The following CAMK4 variants were observed in gnomAD, a reference collection of about 807,000 sequenced individuals.
CAMK4 encodes calcium/calmodulin dependent protein kinase IV, also known as calcium/calmodulin-dependent protein kinase type IV.
A neutral mutation model predicts 44.9 loss-of-function variants in CAMK4; 22 were observed. The observed-to-expected ratio is 0.49, with a 90% CI of 0.35 to 0.70. The LOEUF is 0.70. CAMK4 is among the 30% of genes least tolerant of loss of function. The probability of loss-of-function intolerance (pLI) is 0.01; values close to 1 mark genes in which losing one functional copy is unlikely to be tolerated. For missense variants in CAMK4, 498 were observed against 586.8 expected (o/e 0.85, Z 1.56); for synonymous variants, 218 against 215.4 (o/e 1.01, Z -0.11).
At position 111,428,210 on chromosome 5, in the gene CAMK4, G is replaced by A. The variant is rs1481353853; in HGVS notation, c.460-18476G>A. Among the ~76,000 whole-genome samples the A allele has an allele frequency of 4.6e-5, 7 of 152,250 alleles. No homozygotes were observed. In the East Asian group the frequency reaches 1.3e-3, roughly 29 times the overall value. ...TGCCCCCTGAAGTAGATACAGCTTAGATCACTACACCACGTCCTTTCAAAT... is the reference window on the plus strand; with the variant it reads ...TGCCCCCTGAAGTAGATACAGCTTAAATCACTACACCACGTCCTTTCAAAT... On this transcript the variant is annotated intron_variant, in intron 5 of 10. Transcript: ENST00000282356.
intron 5 of CAMK4, among the ~76,000 whole-genome samples, chr5:111,422,577 T>A (rs1324208501): frequency 1.3e-5 from 2 of 152,176 alleles, no homozygotes; most frequent in African/African-American, 4.8e-5. Flanking sequence ...CTTGTGGGAT[T>A]TTGATAATTT....
At chr5:111,480,065 G>C (rs1580809237) in intron 9 of CAMK4, among the ~76,000 whole-genome samples, 1 of 147,852 alleles carries the variant, frequency 6.8e-6, no homozygotes, top group African/African-American at 2.7e-5. Context: ...TGCCTGGTCT[G>C]GGGCCTGCCA....
chr5:111,424,704 C>T (rs1164433828), intron 5 of CAMK4, among the ~76,000 whole-genome samples: 1 of 151,742 alleles, frequency 6.6e-6, no homozygotes, highest in East Asian at 2.0e-4. Flanking sequence ...GCCTTGGCCT[C>T]CCAAAGTGCT....
chr5:111,313,372 G>A (rs1350774990), intron 1 of CAMK4, among the ~76,000 whole-genome samples: 1 of 151,998 alleles, frequency 6.6e-6, no homozygotes, highest in African/African-American at 2.4e-5. Context: ...CTATTGAACG[G>A]TCTGTTAGAA....
rs58032491 is a variant in CAMK4 at position 111,442,517 on chromosome 5, C to CAT, written c.460-4143_460-4142dup. On this transcript the variant is annotated intron_variant, in intron 5 of 10. Transcript: ENST00000282356. ...AAAACAAACAAACAAAAAACCAAAA[C>CAT]ATATATATATATATATATATATATA... Among the ~76,000 whole-genome samples, 896 of 142,040 alleles carry CAT rather than the reference C, an allele frequency of 6.3e-3. 4 individuals are homozygous for CAT. Among genetic ancestry groups the CAT allele is most frequent in the South Asian group, 0.02 (87 of 4,422 alleles). 93.2% of individuals were successfully genotyped at this position (142,040 alleles called of 152,430 possible).
Position 111,224,657 on chromosome 5 carries a change from C to G in CAMK4, c.161+13C>G. The G allele has an allele frequency of 1.3e-6, 2 of 1,597,570 alleles. No homozygotes were observed. The highest frequency in any genetic ancestry group is 1.7e-6 in the Non-Finnish European group (2 of 1,172,734). ...CGGAGCTGGGACGGTAAGGCGCGGG[C>G]TCCGGCTGGGGAAGCCCGCGGCGTG... On this transcript the variant is annotated intron_variant, in intron 1 of 10. Transcript: ENST00000282356. This position sits in a 1 kb window ranked among gnomAD's most constrained non-coding sequence, Gnocchi z 5.7.
At chr5:111,427,169 G>C (rs1399645833) in intron 5 of CAMK4, among the ~76,000 whole-genome samples, 2 of 152,100 alleles carry the variant, frequency 1.3e-5, no homozygotes, top group African/African-American at 4.8e-5. Flanking sequence ...AGCCACAGCA[G>C]GATAGGGCAA....
At chr5:111,351,414 T>C (rs1187922620) in intron 2 of CAMK4, among the ~76,000 whole-genome samples, 1 of 151,818 alleles carries the variant, frequency 6.6e-6, no homozygotes. Flanking sequence ...TTTTTCTTTT[T>C]TTTTTTTTGA....
chr5:111,474,431 G>T (rs6879047), intron 8 of CAMK4, among the ~76,000 whole-genome samples: 1 of 152,112 alleles, frequency 6.6e-6, no homozygotes, highest in African/African-American at 2.4e-5. Flanking sequence ...GGGAGAAGGA[G>T]AAAGCAAGCT....
intron 5 of CAMK4, among the ~76,000 whole-genome samples, chr5:111,425,194 C>T (rs778023940): frequency 1.2e-3 from 178 of 151,818 alleles, no homozygotes; most frequent in Non-Finnish European, 2.1e-3. Flanking sequence ...TTTAACATCC[C>T]TGACGTGAGT....
At chr5:111,379,054 A>G (rs1251807078) in intron 4 of CAMK4, among the ~76,000 whole-genome samples, 2 of 152,154 alleles carry the variant, frequency 1.3e-5, no homozygotes, top group African/African-American at 4.8e-5. Context: ...GTTTATAGTC[A>G]GATGCTGCTG....
chr5:111,419,773 T>C (rs980286275), intron 5 of CAMK4, among the ~76,000 whole-genome samples: 4 of 152,170 alleles, frequency 2.6e-5, no homozygotes, highest in Non-Finnish European at 4.4e-5. Context: ...GCATTATTTC[T>C]GAGGGCTCTG....
intron 1 of CAMK4, among the ~76,000 whole-genome samples, chr5:111,310,162 G>A (rs756625398): frequency 7.2e-5 from 11 of 152,048 alleles, no homozygotes; most frequent in Non-Finnish European, 1.6e-4. Flanking sequence ...CCTCCGTCAT[G>A]GCCACCTGTA....
At chr5:111,338,818 T>C (rs982066801) in intron 1 of CAMK4, among the ~76,000 whole-genome samples, 2 of 151,434 alleles carry the variant, frequency 1.3e-5, no homozygotes, top group Non-Finnish European at 3.0e-5. Context: ...CATTGGTATA[T>C]TGTGTCCATT....
At chr5:111,420,628 C>A (rs1752991401) in intron 5 of CAMK4, among the ~76,000 whole-genome samples, 1 of 152,058 alleles carries the variant, frequency 6.6e-6, no homozygotes, top group Non-Finnish European at 1.5e-5. Context: ...GCAGTCTCGA[C>A]CATAAAAGAC....
chr5:111,287,362 ATAGT>A (rs1751280508), intron 1 of CAMK4, among the ~76,000 whole-genome samples: 1 of 152,188 alleles, frequency 6.6e-6, no homozygotes, highest in Non-Finnish European at 1.5e-5. Flanking sequence ...AGTTGTGAAT[ATAGT>A]TAGAGTTTAG....
At chr5:111,264,486 A>G (rs1750139903) in intron 1 of CAMK4, among the ~76,000 whole-genome samples, 1 of 152,118 alleles carries the variant, frequency 6.6e-6, no homozygotes, top group South Asian at 2.1e-4. Context: ...AAGTTTCTCC[A>G]ATTTCCTATC....
At chr5:111,442,196 A>G (rs964940260) in intron 5 of CAMK4, among the ~76,000 whole-genome samples, 1 of 152,154 alleles carries the variant, frequency 6.6e-6, no homozygotes, top group African/African-American at 2.4e-5. Context: ...ATTTTATCAT[A>G]ATATGAAGGC....
chr5:111,232,453 C>CA (rs1268183903), intron 1 of CAMK4, among the ~76,000 whole-genome samples: 2 of 151,070 alleles, frequency 1.3e-5, no homozygotes, highest in Admixed American at 1.3e-4. Context: ...TAAGAAGAGG[C>CA]AAAAAAAGGA....
Sources: allele counts gnomAD v4.1 joint callset (sites outside exome capture counted in the v4.1 genomes callset), GRCh38; gene constraint gnomAD v4.1.1; non-coding constraint Gnocchi (gnomAD v3.1); transcripts MANE v1.5; gene names NCBI Gene and HGNC (gene_info 2026-07-23, HGNC 2026-07-21).